PSORS1C1: variants seen among roughly 807,000 people sequenced by gnomAD.
PSORS1C1 encodes the protein psoriasis susceptibility 1 candidate gene 1 protein.
Under a neutral mutation model 9.4 loss-of-function variants are expected in PSORS1C1, and 7 were observed. The observed-to-expected ratio is 0.75, with a 90% CI of 0.42 to 1.40. PSORS1C1 has a LOEUF of 1.40. PSORS1C1 is among the 40% of genes most tolerant of loss of function. The pLI is 0.01. For synonymous variants in PSORS1C1, 63 were observed against 69.4 expected, an observed-to-expected ratio of 0.91 and a Z score of 0.46; for missense variants, 146 against 178.1, an observed-to-expected ratio of 0.82 and a Z score of 1.02.
chr6:31,116,962 C>G lies in PSORS1C1; in HGVS notation c.-229+2071C>G, dbSNP rs1228793447. 3 of 1,614,090 alleles carry G rather than the reference C, an allele frequency of 1.9e-6. No homozygotes were observed. Among genetic ancestry groups the G allele is most frequent in the Non-Finnish European group, 2.5e-6 (3 of 1,180,032 alleles). ...GGGAGAGTCGGGGATGTCCGAACTA[C>G]AGGGACGCTGGTTGGAGCTGACGCT... On this transcript the variant is annotated intron_variant, in intron 1 of 5. Transcript: ENST00000259881.
chr6:31,120,867 A>G (rs969621289), intron 1 of PSORS1C1, among the ~76,000 whole-genome samples: 1 of 151,456 alleles, frequency 6.6e-6, no homozygotes, highest in Admixed American at 6.6e-5. Flanking sequence ...TTTCTTCCAC[A>G]CTTGGGTGCC....
chr6:31,139,033 G>A lies in PSORS1C1; in HGVS notation c.167+254G>A, dbSNP rs1434618991. ...GCTTCCAGTTGAGGATCATGGCTAT[G>A]TACTGGCCCCCAAAGCTGGGGTGGG... On this transcript the variant is annotated intron_variant, in intron 5 of 5. Coordinates refer to ENST00000259881, the MANE Select transcript of PSORS1C1 (RefSeq NM_014068.3). The surrounding 1 kb of genome is among the most constrained non-coding windows in gnomAD (Gnocchi z 5.2). 2.5e-6 allele frequency: 4 copies of A among 1,613,934 alleles called. No homozygotes were observed. In the Admixed American group the frequency reaches 6.7e-5, roughly 27 times the overall value.
At chr6:31,138,258 CG>C (rs1202982550) in intron 3 of PSORS1C1, 171 bp from the exon 4 acceptor site, 1 of 1,570,900 alleles carries the variant, frequency 6.4e-7, no homozygotes, top group South Asian at 1.2e-5. Flanking sequence ...TGCCTCCTCT[CG>C]GTCCTCTGCG....
chr6:31,137,730 T>A, intron 3 of PSORS1C1: 1 of 400,446 alleles, frequency 2.5e-6, no homozygotes, highest in Admixed American at 4.2e-5. Flanking sequence ...AGGCTTAGGC[T>A]GTCAGAGGAA....
chr6:31,114,917 A>T (rs1325345969), intron 1 of PSORS1C1, 26 bp downstream of exon 1: 1 of 448,558 alleles, frequency 2.2e-6, no homozygotes, highest in Non-Finnish European at 4.5e-6. Context: ...GGTGGAAGAA[A>T]AGGAGTTTGG....
rs778320766 is a variant in PSORS1C1 at position 31,139,071 on chromosome 6, G to A, written c.167+292G>A. 7.0e-6 allele frequency: 11 copies of A among 1,565,994 alleles called. No homozygotes were observed. The highest frequency in any genetic ancestry group is 8.8e-6 in the Non-Finnish European group (10 of 1,136,784). ...AAGCTGGGGTGGGCTGAGTCTGGGTGCCTGGGAACCCCAAGAGGCTTTATA... is the reference window on the plus strand; with the variant it reads ...AAGCTGGGGTGGGCTGAGTCTGGGTACCTGGGAACCCCAAGAGGCTTTATA... On this transcript the variant is annotated intron_variant, in intron 5 of 5. Transcript: ENST00000259881. This position sits in a 1 kb window ranked among gnomAD's most constrained non-coding sequence, Gnocchi z 5.2.
chr6:31,128,763 A>G lies in PSORS1C1; in HGVS notation c.-64-806A>G, dbSNP rs1021075733. Reference sequence around the variant, plus strand: ...TTGGGTCTAATAATTTTGAAACATGAAATTGGCAGAGAAGTTAGGAGTCCC... The same window carrying G: ...TTGGGTCTAATAATTTTGAAACATGGAATTGGCAGAGAAGTTAGGAGTCCC... On this transcript the variant is annotated intron_variant, in intron 2 of 5. Coordinates refer to ENST00000259881, the MANE Select transcript of PSORS1C1 (RefSeq NM_014068.3). The surrounding 1 kb of genome is among the most constrained non-coding windows in gnomAD (Gnocchi z 4.3). 6.6e-6 allele frequency among the ~76,000 whole-genome samples: 1 copy of G among 152,064 alleles called. No individual in the cohort carries two copies. The highest frequency in any genetic ancestry group is 1.5e-5 in the Non-Finnish European group (1 of 67,966).
At chr6:31,127,561 AATTATTATTATT>A (rs9257056) in intron 2 of PSORS1C1, among the ~76,000 whole-genome samples, 34 of 141,590 alleles carry the variant, frequency 2.4e-4, no homozygotes, top group Non-Finnish European at 9.1e-5. Flanking sequence ...AGGAGACAGG[AATTATTATTATT>A]ATTATTATTA....
intron 1 of PSORS1C1, among the ~76,000 whole-genome samples, chr6:31,120,948 C>T (rs923893946): frequency 6.0e-5 from 8 of 133,274 alleles, no homozygotes; most frequent in African/African-American, 2.2e-4. Flanking sequence ...TTCCTTAGGA[C>T]CCCATCACTC....
chr6:31,135,338 G>T (rs1773095121), intron 3 of PSORS1C1, among the ~76,000 whole-genome samples: 1 of 152,240 alleles, frequency 6.6e-6, no homozygotes, highest in African/African-American at 2.4e-5. Context: ...CCAGGTTCAA[G>T]CAATTCTCAT....
At chr6:31,129,255 C>T (rs991570790) in intron 2 of PSORS1C1, among the ~76,000 whole-genome samples, 17 of 152,070 alleles carry the variant, frequency 1.1e-4, no homozygotes, top group Admixed American at 1.0e-3. Context: ...ATCTGTGATC[C>T]TATTCTGTTA....
intron 1 of PSORS1C1, chr6:31,116,526 A>G (rs757306611): frequency 6.2e-7 from 1 of 1,613,532 alleles, no homozygotes; most frequent in South Asian, 1.1e-5. Context: ...TGGCCGAGGA[A>G]GCTGCCGACT....
intron 2 of PSORS1C1, among the ~76,000 whole-genome samples, 163 bp from the exon 3 acceptor site, chr6:31,129,406 C>G (rs3130558): frequency 0.77 from 117,030 of 152,114 alleles, 45,504 homozygotes; most frequent in East Asian, 0.89. Context: ...GGGTTTCCCT[C>G]TGCAAATACC....
chr6:31,123,066 T>G (rs3130996), intron 1 of PSORS1C1, among the ~76,000 whole-genome samples: 61,801 of 151,708 alleles, frequency 0.41, 13,356 homozygotes, highest in African/African-American at 0.57. Context: ...CTTTGTCACA[T>G]TCCTCCTGGC....
chr6:31,123,060 G>C (rs3095312), intron 1 of PSORS1C1, among the ~76,000 whole-genome samples: 70,756 of 151,578 alleles, frequency 0.47, 17,890 homozygotes, highest in African/African-American at 0.68. Flanking sequence ...TGTTTTCTTT[G>C]TCACATTCCT....
At chr6:31,116,161 G>A in intron 1 of PSORS1C1, 1 of 1,611,722 alleles carries the variant, frequency 6.2e-7, no homozygotes, top group Non-Finnish European at 8.5e-7. Flanking sequence ...GGAGCCACAG[G>A]GCTTGGCACC....
chr6:31,120,658 G>A (rs1448038588), intron 1 of PSORS1C1, among the ~76,000 whole-genome samples: 3 of 152,078 alleles, frequency 2.0e-5, no homozygotes, highest in South Asian at 2.1e-4. Context: ...GGGCTCTAAC[G>A]ATCCTGCCAC....
In PSORS1C1 at chr6:31,139,628, T is replaced by C; in HGVS notation, c.168-13T>C. 3 of 1,609,042 alleles carry C rather than the reference T, an allele frequency of 1.9e-6. No homozygotes were observed. Among genetic ancestry groups the C allele is most frequent in the South Asian group, 2.2e-5 (2 of 91,010 alleles). On this transcript the variant is annotated splice_polypyrimidine_tract_variant and intron_variant, in intron 5 of 5. Coordinates refer to ENST00000259881, the MANE Select transcript of PSORS1C1 (RefSeq NM_014068.3). The surrounding 1 kb of genome is among the most constrained non-coding windows in gnomAD (Gnocchi z 5.2). Reference sequence around the variant, plus strand: ...GATCCAGGCATCCTGCTCTCCACCATGTCCTTCTTCAGGCATGCAGGGGAC... The same window carrying C: ...GATCCAGGCATCCTGCTCTCCACCACGTCCTTCTTCAGGCATGCAGGGGAC...
intron 2 of PSORS1C1, among the ~76,000 whole-genome samples, chr6:31,126,537 A>T (rs1433705896): frequency 1.1e-5 from 1 of 87,542 alleles, no homozygotes; most frequent in African/African-American, 5.0e-5. Flanking sequence ...CTCCTGGTCC[A>T]ATGGCTCTCT....
Sources: gnomAD v4.1 joint callset for allele counts (sites outside exome capture counted in the v4.1 genomes callset) on GRCh38, gnomAD v4.1.1 for gene constraint, Gnocchi (gnomAD v3.1) non-coding constraint, MANE v1.5 for transcripts, NCBI Gene and HGNC (gene_info 2026-07-23, HGNC 2026-07-21) for gene names.